TPP2: variants seen among roughly 807,000 people sequenced by gnomAD.
The protein encoded by TPP2 is tripeptidyl peptidase 2, also known as tripeptidyl-peptidase 2.
Under a neutral mutation model 155.9 loss-of-function variants are expected in TPP2, and 34 were observed. That is an observed-to-expected ratio of 0.22 (90% CI 0.17 to 0.29). TPP2 has a LOEUF of 0.29. Among genes scored for constraint, TPP2 ranks in the 10% least tolerant of loss-of-function variants. The pLI is 1.00. For missense variants in TPP2, 1,028 were observed against 1,522.3 expected, an observed-to-expected ratio of 0.68 and a Z score of 5.40; for synonymous variants, 510 against 529.4, an observed-to-expected ratio of 0.96 and a Z score of 0.50.
chr13:102,676,386 A>G lies in TPP2; in HGVS notation c.3670A>G (p.Thr1224Ala). 1 of 1,611,116 alleles carries G rather than the reference A, an allele frequency of 6.2e-7. No individual in the cohort carries two copies. The highest frequency in any genetic ancestry group is 1.7e-4 in the Middle Eastern group (1 of 6,032). Reference sequence around the variant, plus strand: ...AACTAAACTTGTGGAAGAAAAACCAACAAAAGAAAACTGGAAAAATTGTAT... The same window carrying G: ...AACTAAACTTGTGGAAGAAAAACCAGCAAAAGAAAACTGGAAAAATTGTAT... ...FATKLVEEKP[T>A]KENWKNCIQL... is the part of the protein sequence containing the mutation. The change falls in exon 29 of 30, where the codon ACA becomes GCA. Residue 1224 changes from threonine (T) to alanine (A), a missense_variant. Physicochemically the swap from Thr to Ala is moderately conservative, Grantham distance 58 (BLOSUM62 0). Coordinates refer to ENST00000376052, the MANE Select transcript of TPP2 (RefSeq NM_001330588.2).
intron 25 of TPP2, among the ~76,000 whole-genome samples, chr13:102,663,130 ATTT>A (rs112161004): frequency 2.6e-5 from 2 of 76,478 alleles, no homozygotes; most frequent in African/African-American, 1.5e-4. Context: ...TTATTTATTT[ATTT>A]TTTTTAATTA....
In TPP2 at chr13:102,624,492, C is replaced by A. The variant is rs114077329; in HGVS notation, c.784+1452C>A. On this transcript the variant is annotated intron_variant, in intron 6 of 29. Coordinates refer to ENST00000376052, the MANE Select transcript of TPP2 (RefSeq NM_001330588.2). ...TACTCATTACCCCCAAAAGTTTGCT[C>A]TCTCTATTATCCAGCCTTTCTCCAC... Among the ~76,000 whole-genome samples, 4 of 152,188 alleles carry A rather than the reference C, an allele frequency of 2.6e-5. No homozygotes were observed. The South Asian group carries it at 8.3e-4, about 32-fold the overall frequency.
chr13:102,677,595 C>T (rs1041300611), intron 29 of TPP2, among the ~76,000 whole-genome samples: 1 of 152,198 alleles, frequency 6.6e-6, no homozygotes, highest in Admixed American at 6.5e-5. Context: ...CCTTTTCCTA[C>T]CAAAGGACCT....
intron 27 of TPP2, among the ~76,000 whole-genome samples, chr13:102,665,477 G>C (rs747391990): frequency 3.9e-5 from 6 of 152,150 alleles, no homozygotes; most frequent in Non-Finnish European, 8.8e-5. Context: ...CTAATGCTGT[G>C]TGTAAATAGA....
At chr13:102,608,388 A>AT (rs1880010030) in intron 2 of TPP2, among the ~76,000 whole-genome samples, 1 of 150,868 alleles carries the variant, frequency 6.6e-6, no homozygotes, top group Non-Finnish European at 1.5e-5. Flanking sequence ...TTTTTTTTGC[A>AT]TTTTCTCTTA....
chr13:102,656,875 G>A (rs954246288), intron 24 of TPP2, 181 bp from the exon 25 acceptor site: 1 of 473,022 alleles, frequency 2.1e-6, no homozygotes, highest in East Asian at 3.9e-5. Context: ...GCATCAGTTT[G>A]TGAGAAAATT....
chr13:102,647,478 A>G (rs1263890326), intron 21 of TPP2, 134 bp downstream of exon 21: 1 of 1,081,850 alleles, frequency 9.2e-7, no homozygotes, highest in Non-Finnish European at 1.3e-6. Context: ...GTACTTTTGC[A>G]AACTGTGAGA....
chr13:102,607,561 C>A, intron 2 of TPP2: 1 of 348,812 alleles, frequency 2.9e-6, no homozygotes, highest in Non-Finnish European at 6.0e-6. Flanking sequence ...GGCTTAGAGC[C>A]ATATAAAGTA....
At chr13:102,639,335 G>A (rs1300979402) in intron 15 of TPP2, among the ~76,000 whole-genome samples, 1 of 152,118 alleles carries the variant, frequency 6.6e-6, no homozygotes, top group Admixed American at 6.6e-5. Flanking sequence ...GTATGCAATA[G>A]ATCTCAGCCC....
At chr13:102,621,442 A>G (rs897494817) in intron 5 of TPP2, among the ~76,000 whole-genome samples, 1 of 152,150 alleles carries the variant, frequency 6.6e-6, no homozygotes, top group African/African-American at 2.4e-5. Context: ...AACATCTTAC[A>G]TTGAGACTTG....
Position 102,604,851 on chromosome 13 carries a change from A to G in TPP2, c.224A>G (p.Asp75Gly). Reference sequence around the variant, plus strand: ...ATCATTGATACAACAGGAAGTGGCGATGTGAATACTGCTACAGAAGTAGAG... The same window carrying G: ...ATCATTGATACAACAGGAAGTGGCGGTGTGAATACTGCTACAGAAGTAGAG... ...VDIIDTTGSG[D>G]VNTATEVEPK... Residue 75 changes from aspartate to glycine, a missense_variant, in exon 2 of 30, where the codon GAT becomes GGT. Coordinates refer to ENST00000376052, the MANE Select transcript of TPP2 (RefSeq NM_001330588.2). The G allele has an allele frequency of 6.2e-7, 1 of 1,614,152 alleles. No individual in the cohort carries two copies.
At chr13:102,658,149 T>C (rs779349836) in intron 25 of TPP2, among the ~76,000 whole-genome samples, 3 of 152,232 alleles carry the variant, frequency 2.0e-5, no homozygotes, top group Non-Finnish European at 4.4e-5. Flanking sequence ...AAATTTATTC[T>C]ATGTAGTCAA....
At chr13:102,656,759 C>T (rs1883885673) in intron 24 of TPP2, among the ~76,000 whole-genome samples, 1 of 152,192 alleles carries the variant, frequency 6.6e-6, no homozygotes, top group Non-Finnish European at 1.5e-5. Context: ...GTACTTTTGT[C>T]ATCTGTCTGC....
At chr13:102,663,610 G>A (rs761732906) in intron 25 of TPP2, 38 bp from the exon 26 acceptor site, 3 of 1,446,926 alleles carry the variant, frequency 2.1e-6, no homozygotes, top group Middle Eastern at 3.8e-4. Context: ...CTTTTTAAAA[G>A]AAAAAAGTAA....
chr13:102,639,642 G>A (rs996394567), intron 15 of TPP2, among the ~76,000 whole-genome samples: 4 of 124,222 alleles, frequency 3.2e-5, no homozygotes, highest in Admixed American at 7.6e-5. Context: ...TCTTTGTTAC[G>A]TTTCTAGCTC....
At chr13:102,620,420 G>A (rs899120135) in intron 5 of TPP2, among the ~76,000 whole-genome samples, 1 of 151,940 alleles carries the variant, frequency 6.6e-6, no homozygotes, top group Admixed American at 6.6e-5. Context: ...TAACTTTTTT[G>A]CATAATACAG....
At chr13:102,667,165 T>C (rs1014967285) in intron 27 of TPP2, among the ~76,000 whole-genome samples, 1 of 151,884 alleles carries the variant, frequency 6.6e-6, no homozygotes, top group Non-Finnish European at 1.5e-5. Flanking sequence ...TTGCTTTCTC[T>C]TAAATCAGTA....
chr13:102,643,937 A>G (rs983141077), intron 17 of TPP2, among the ~76,000 whole-genome samples: 8 of 152,158 alleles, frequency 5.3e-5, no homozygotes, highest in African/African-American at 1.9e-4. Context: ...TTTTCCCAGT[A>G]TCTCTTGGTT....
chr13:102,655,452 T>C (rs1365701223), intron 24 of TPP2, among the ~76,000 whole-genome samples: 1 of 152,194 alleles, frequency 6.6e-6, no homozygotes, highest in East Asian at 1.9e-4. Flanking sequence ...AACCTGAAGA[T>C]AGAATTTGAG....
Sources: allele counts gnomAD v4.1 joint callset (sites outside exome capture counted in the v4.1 genomes callset), GRCh38; gene constraint gnomAD v4.1.1; transcripts MANE v1.5; gene names NCBI Gene and HGNC (gene_info 2026-07-23, HGNC 2026-07-21).